The following MARCHF2 variants were observed in gnomAD, a reference collection of about 807,000 sequenced individuals.
The protein encoded by MARCHF2 is E3 ubiquitin-protein ligase MARCHF2.
In MARCHF2, 22 loss-of-function variants were observed where a neutral mutation model predicts 24.0. The ratio of observed to expected loss-of-function variants is 0.92; its 90% confidence interval spans 0.66 to 1.31. The LOEUF is 1.31. Among genes scored for constraint, MARCHF2 ranks in the 50% most tolerant of loss-of-function variants. The pLI is 0.00. For synonymous variants in MARCHF2, 154 were observed against 153.0 expected, an observed-to-expected ratio of 1.01 and a Z score of -0.05; for missense variants, 301 against 335.3, an observed-to-expected ratio of 0.90 and a Z score of 0.80.
At chr19:8,422,537 C>T (rs1967277287) in intron 2 of MARCHF2, among the ~76,000 whole-genome samples, 1 of 151,628 alleles carries the variant, frequency 6.6e-6, no homozygotes, top group African/African-American at 2.4e-5. Flanking sequence ...GGATTACAGG[C>T]ACCCGTCACC....
chr19:8,419,222 G>A lies in MARCHF2; in HGVS notation c.-52-2567G>A, dbSNP rs548298844. Among the ~76,000 whole-genome samples the A allele has an allele frequency of 4.6e-5, 7 of 152,044 alleles. No individual in the cohort carries two copies. In the South Asian group the frequency reaches 6.2e-4, roughly 14 times the overall value. ...CTAAAAATACAAAAATTAGCCGGGC[G>A]TGGTGGCTCATGCCTGTAATCCCAG... On this transcript the variant is annotated intron_variant, in intron 1 of 4. Coordinates refer to ENST00000215555, the MANE Select transcript of MARCHF2 (RefSeq NM_001005415.2).
In MARCHF2 at chr19:8,438,474, C is replaced by G; in HGVS notation, c.669C>G (p.Ser223Arg). The change falls in exon 5 of 5, where the codon AGC becomes AGG. Residue 223 changes from serine (S) to arginine (R), a missense_variant. Ser to Arg is a moderately radical substitution (Grantham distance 110). Transcript: ENST00000215555. ...KVRLKIREAD[S>R]PEGPQHSPLA... Reference sequence around the variant, plus strand: ...GCCTGAAGATCCGGGAGGCGGACAGCCCCGAGGGCCCCCAGCATTCTCCAC... The same window carrying G: ...GCCTGAAGATCCGGGAGGCGGACAGGCCCGAGGGCCCCCAGCATTCTCCAC... 1 of 1,614,124 alleles carries G rather than the reference C, an allele frequency of 6.2e-7. No individual in the cohort carries two copies. The highest frequency in any genetic ancestry group is 8.5e-7 in the Non-Finnish European group (1 of 1,180,024).
Position 8,438,596 on chromosome 19 carries a change from A to G in MARCHF2, c.*50A>G. On this transcript the variant is annotated 3_prime_UTR_variant, in exon 5 of 5. Transcript: ENST00000215555. ...GCAGAGAGGCCAGAGGTAGCTGGTG[A>G]TACCCTGTCCTGTGGAAGGACTTCC... 2 of 1,591,836 alleles carry G rather than the reference A, an allele frequency of 1.3e-6. No individual in the cohort carries two copies. The highest frequency in any genetic ancestry group is 1.7e-6 in the Non-Finnish European group (2 of 1,166,526).
At chr19:8,421,054 C>T (rs995016593) in intron 1 of MARCHF2, among the ~76,000 whole-genome samples, 44 of 151,958 alleles carry the variant, frequency 2.9e-4, no homozygotes, top group African/African-American at 1.0e-3. Context: ...CCTACCTTGG[C>T]TTTCAAAGCA....
chr19:8,435,676 A>C (rs1967696529), intron 4 of MARCHF2, among the ~76,000 whole-genome samples: 1 of 125,558 alleles, frequency 8.0e-6, no homozygotes, highest in Non-Finnish European at 1.8e-5. Flanking sequence ...AGTAACTAGG[A>C]CCATAGGTGC....
At chr19:8,427,185 T>C (rs1967429613) in intron 3 of MARCHF2, among the ~76,000 whole-genome samples, 1 of 152,080 alleles carries the variant, frequency 6.6e-6, no homozygotes, top group Non-Finnish European at 1.5e-5. Context: ...GTAGCTGGGA[T>C]GACAGGCGTG....
chr19:8,429,290 C>T (rs1468082978), intron 3 of MARCHF2, among the ~76,000 whole-genome samples: 1 of 151,898 alleles, frequency 6.6e-6, no homozygotes, highest in Non-Finnish European at 1.5e-5. Flanking sequence ...GGCAGGGGCC[C>T]TTTCTGTCTC....
chr19:8,428,665 A>C (rs1216548913), intron 3 of MARCHF2, among the ~76,000 whole-genome samples: 5 of 144,104 alleles, frequency 3.5e-5, no homozygotes, highest in South Asian at 2.2e-4. Flanking sequence ...AAAAAAAAAA[A>C]AAAAAAAAAA....
chr19:8,422,499 T>C (rs556444574), intron 2 of MARCHF2, among the ~76,000 whole-genome samples: 1 of 151,868 alleles, frequency 6.6e-6, no homozygotes, highest in East Asian at 1.9e-4. Flanking sequence ...TTCAAGTGAT[T>C]TTCCTGCCTT....
At chr19:8,414,288 T>C (rs1204174451) in intron 1 of MARCHF2, among the ~76,000 whole-genome samples, 2 of 151,972 alleles carry the variant, frequency 1.3e-5, no homozygotes, top group Non-Finnish European at 2.9e-5. Flanking sequence ...TTTTTTTTTT[T>C]AGACAGAGTC....
intron 2 of MARCHF2, among the ~76,000 whole-genome samples, chr19:8,422,391 T>C (rs768284045): frequency 2.1e-4 from 32 of 151,914 alleles, no homozygotes; most frequent in Non-Finnish European, 4.3e-4. Context: ...ACTTCACCAC[T>C]GTATCTCTCT....
Position 8,422,032 on chromosome 19 carries a change from G to C in MARCHF2, c.176+16G>C. ...ACACACCGAGGTGAGTGGTGACTGC[G>C]TGGATATCCTGGCCTTTGTTGCCTC... On this transcript the variant is annotated intron_variant, in intron 2 of 4. Transcript: ENST00000215555. 6.3e-7 allele frequency: 1 copy of C among 1,593,182 alleles called. No individual in the cohort carries two copies. The highest frequency in any genetic ancestry group is 8.6e-7 in the Non-Finnish European group (1 of 1,168,000).
chr19:8,433,063 A>G (rs1967622543), intron 4 of MARCHF2, among the ~76,000 whole-genome samples: 2 of 151,936 alleles, frequency 1.3e-5, no homozygotes, highest in Non-Finnish European at 2.9e-5. Context: ...TAGAAAAAAT[A>G]CAAAAGTTTG....
intron 3 of MARCHF2, among the ~76,000 whole-genome samples, chr19:8,428,649 CAAAAAAAAAAAAAA>C (rs59542078): frequency 5.9e-4 from 18 of 30,646 alleles, no homozygotes; most frequent in African/African-American, 1.7e-3. Context: ...GACTCTATCT[CAAAAAAAAAAAAAA>C]AAAAAAAAAA....
intron 4 of MARCHF2, among the ~76,000 whole-genome samples, chr19:8,437,496 C>T (rs1336048649): frequency 6.6e-6 from 1 of 150,800 alleles, no homozygotes; most frequent in African/African-American, 2.4e-5. Context: ...GGATTACAGG[C>T]GCCCACCACC....
chr19:8,430,957 G>A lies in MARCHF2; in HGVS notation c.582+90G>A, dbSNP rs898277447. 2.1e-5 allele frequency: 28 copies of A among 1,315,500 alleles called. No individual in the cohort carries two copies. The African/African-American group carries it at 2.5e-4, about 12-fold the overall frequency. 81.5% of individuals were successfully genotyped at this position (1,315,500 alleles called of 1,614,324 possible). A position where few individuals can be genotyped will look rare whatever the true frequency, so the allele number is the denominator to read the frequency against. On this transcript the variant is annotated intron_variant, in intron 4 of 4. Coordinates refer to ENST00000215555, the MANE Select transcript of MARCHF2 (RefSeq NM_001005415.2). The surrounding 1 kb of genome is among the most constrained non-coding windows in gnomAD (Gnocchi z 4.4). ...ATTTGGCCCCTGGCTTGTGGGGCAC[G>A]GGGCTCCCTGGCTGCCTCTGTCTAT...
chr19:8,415,763 A>T (rs936624891), intron 1 of MARCHF2, among the ~76,000 whole-genome samples: 2 of 150,938 alleles, frequency 1.3e-5, no homozygotes, highest in Non-Finnish European at 3.0e-5. Context: ...AAACCAGACA[A>T]AAGAAAGAAG....
At chr19:8,419,378 C>A (rs953651567) in intron 1 of MARCHF2, among the ~76,000 whole-genome samples, 1 of 152,120 alleles carries the variant, frequency 6.6e-6, no homozygotes, top group East Asian at 1.9e-4. Context: ...CCTGTAGTCT[C>A]AGCTACTCAG....
rs1967538323 is a variant in MARCHF2, at chr19:8,430,142, T to A, written c.373-516T>A. 6.6e-6 allele frequency among the ~76,000 whole-genome samples: 1 copy of A among 152,008 alleles called. No individual in the cohort carries two copies. Among genetic ancestry groups the A allele is most frequent in the Non-Finnish European group, 1.5e-5 (1 of 68,004 alleles). ...ACTTTGGAAGGCCGAGGTGGGCAGATCACTTAAGGTCACAAGTTCGAGACC... is the reference window on the plus strand; with the variant it reads ...ACTTTGGAAGGCCGAGGTGGGCAGAACACTTAAGGTCACAAGTTCGAGACC... On this transcript the variant is annotated intron_variant, in intron 3 of 4. Coordinates refer to ENST00000215555, the MANE Select transcript of MARCHF2 (RefSeq NM_001005415.2). This position sits in a 1 kb window ranked among gnomAD's most constrained non-coding sequence, Gnocchi z 4.4.
Sources: allele counts gnomAD v4.1 joint callset (sites outside exome capture counted in the v4.1 genomes callset), GRCh38; gene constraint gnomAD v4.1.1; non-coding constraint Gnocchi (gnomAD v3.1); transcripts MANE v1.5; gene names NCBI Gene and HGNC (gene_info 2026-07-23, HGNC 2026-07-21).